DCHS2: variants seen among roughly 807,000 people sequenced by gnomAD.
DCHS2 encodes dachsous cadherin-related 2.
In DCHS2, 142 loss-of-function variants were observed where a neutral mutation model predicts 182.4. That is an observed-to-expected ratio of 0.78 (90% CI 0.68 to 0.89). The LOEUF is 0.89. Ranked by LOEUF, DCHS2 falls within the 40% of genes least tolerant of loss-of-function variation. The pLI, the probability that DCHS2 is intolerant of heterozygous loss-of-function variation, is 0.00. For synonymous variants in DCHS2, 1,740 were observed against 1,663.3 expected (o/e 1.05, Z -1.12); for missense variants, 4,319 against 4,198.6 (o/e 1.03, Z -0.79).
intron 3 of DCHS2, among the ~76,000 whole-genome samples, chr4:154,351,269 A>C: frequency 6.6e-6 from 1 of 152,214 alleles, no homozygotes; most frequent in East Asian, 1.9e-4. Context: ...AAGGGATTAC[A>C]CTACAGACTC....
At chr4:154,305,632 G>C (rs1032345715) in intron 10 of DCHS2, among the ~76,000 whole-genome samples, 1 of 152,116 alleles carries the variant, frequency 6.6e-6, no homozygotes, top group South Asian at 2.1e-4. Flanking sequence ...TTAAAAGCCC[G>C]TGCTAAGTTA....
chr4:154,465,306 C>T (rs1735194014), intron 1 of DCHS2, among the ~76,000 whole-genome samples: 2 of 152,130 alleles, frequency 1.3e-5, no homozygotes, highest in South Asian at 2.1e-4. Context: ...TAGGGCTGCT[C>T]TCAATGTGCT....
intron 9 of DCHS2, among the ~76,000 whole-genome samples, chr4:154,318,872 CAAAG>C (rs1007820419): frequency 6.6e-6 from 1 of 151,974 alleles, no homozygotes; most frequent in Non-Finnish European, 1.5e-5. Context: ...AATGGAATCT[CAAAG>C]AACCCCAAAG....
Position 154,421,879 on chromosome 4 carries a change from G to A in DCHS2, c.2053-44435C>T, listed in dbSNP as rs142557997. Among the ~76,000 whole-genome samples the A allele has an allele frequency of 2.6e-5, 4 of 152,206 alleles. No homozygotes were observed. The East Asian group carries it at 7.7e-4, about 29-fold the overall frequency. On this transcript the variant is annotated intron_variant, in intron 1 of 19. Transcript: ENST00000357232. ...CTTCCTCTTTAATCTGCTGCAATCTGGTTTGAAATCCCATCACTCCATTGA... is the reference window on the plus strand; with the variant it reads ...CTTCCTCTTTAATCTGCTGCAATCTAGTTTGAAATCCCATCACTCCATTGA...
intron 1 of DCHS2, among the ~76,000 whole-genome samples, chr4:154,386,128 G>A (rs1731403879): frequency 6.6e-6 from 1 of 152,146 alleles, no homozygotes; most frequent in East Asian, 1.9e-4. Context: ...CACAGTCAGA[G>A]AGATACTGTC....
Position 154,333,203 on chromosome 4 carries a change from C to T in DCHS2, c.3005G>A (p.Arg1002His). The T allele has an allele frequency of 1.9e-6, 3 of 1,614,208 alleles. No homozygotes were observed. The highest frequency in any genetic ancestry group is 2.5e-6 in the Non-Finnish European group (3 of 1,180,038). The change falls in exon 5 of 20, where the codon CGT (arginine) becomes CAT (histidine). Residue 1002 changes from arginine (R) to histidine (H), a missense_variant. Coordinates refer to ENST00000357232, the MANE Select transcript of DCHS2 (RefSeq NM_001358235.2). The stretch of plus-strand genomic sequence containing the variant: ...CCGCCCACTGTCTCTGTCTTCCGCA[C>T]GTGCGAGGTACAAGGCTGTGCCAGG... Reference protein sequence around the residue: ...TPPGTALYLARAEDRDSGRNG... With the variant: ...TPPGTALYLAHAEDRDSGRNG...
intron 1 of DCHS2, among the ~76,000 whole-genome samples, chr4:154,421,414 G>A (rs1579067862): frequency 1.2e-5 from 1 of 81,612 alleles, no homozygotes. Context: ...TTATTTATTT[G>A]AGAAAAGTCT....
chr4:154,396,320 T>C (rs540813557), intron 1 of DCHS2, among the ~76,000 whole-genome samples: 1 of 152,010 alleles, frequency 6.6e-6, no homozygotes, highest in African/African-American at 2.4e-5. Context: ...AGGAAGGAAT[T>C]GAACAATTTC....
chr4:154,281,530 G>A (rs1381179115), intron 13 of DCHS2, among the ~76,000 whole-genome samples: 1 of 152,042 alleles, frequency 6.6e-6, no homozygotes, highest in African/African-American at 2.4e-5. Flanking sequence ...GGAAATCAAA[G>A]AAGTCACAAA....
intron 17 of DCHS2, 31 bp downstream of exon 17, chr4:154,242,611 C>T (rs372569903): frequency 1.9e-6 from 3 of 1,600,576 alleles, no homozygotes; most frequent in African/African-American, 1.3e-5. Context: ...ACAAGTTAAT[C>T]AAAACCACTA....
rs1298937297 is a variant in DCHS2, at chr4:154,389,528, A to AATCT, written c.2053-12085_2053-12084insAGAT. Among the ~76,000 whole-genome samples, 2 of 145,020 alleles carry AATCT rather than the reference A, an allele frequency of 1.4e-5. 1 individual carries two copies. Among genetic ancestry groups the AATCT allele is most frequent in the Non-Finnish European group, 3.0e-5 (2 of 65,972 alleles). ...CTAAAGACAAAGGTTATATATATAT[A>AATCT]TATATATAACCTTTTTTTAAAGGAC... is the stretch of plus-strand genomic sequence containing the variant. On this transcript the variant is annotated intron_variant, in intron 1 of 19. Coordinates refer to ENST00000357232, the MANE Select transcript of DCHS2 (RefSeq NM_001358235.2).
At chr4:154,439,285 T>C (rs1733901357) in intron 1 of DCHS2, among the ~76,000 whole-genome samples, 1 of 152,178 alleles carries the variant, frequency 6.6e-6, no homozygotes, top group African/African-American at 2.4e-5. Flanking sequence ...GGTCAACATA[T>C]GAGCATTTTA....
In DCHS2 at chr4:154,321,059, T is replaced by C. The variant is rs754432199; in HGVS notation, c.4340A>G (p.Asp1447Gly). The part of the protein sequence containing the change: ...GKLHFSIVAD[D>G]KDGHFEIDSS... ...GTCTATTTCAAAGTGTCCATCCTTA[T>C]CATCTGCAACAATACTAAAATGTAA... Residue 1447 changes from aspartate (D) to glycine (G), a missense_variant, in exon 9 of 20, where the codon GAT becomes GGT. By Grantham distance (94) the Asp-to-Gly change is moderately conservative. Transcript: ENST00000357232. The C allele has an allele frequency of 6.2e-7, 1 of 1,611,720 alleles. No individual in the cohort carries two copies. The highest frequency in any genetic ancestry group is 1.7e-5 in the Admixed American group (1 of 59,932).
At chr4:154,428,256 A>G (rs148242518) in intron 1 of DCHS2, among the ~76,000 whole-genome samples, 262 of 152,298 alleles carry the variant, frequency 1.7e-3, no homozygotes, top group African/African-American at 6.0e-3. Flanking sequence ...GCGAAAAAAC[A>G]CTGGCCAGGC....
rs1425943014 is a variant in DCHS2, at chr4:154,236,400, G to T, written c.8252C>A (p.Ser2751Tyr). The T allele has an allele frequency of 1.9e-6, 3 of 1,614,038 alleles. No homozygotes were observed. The highest frequency in any genetic ancestry group is 3.3e-5 in the Admixed American group (2 of 60,010). The change falls in exon 20 of 20, where the codon TCT (serine) becomes TAT (tyrosine). Residue 2751 changes from serine (S) to tyrosine (Y), a missense_variant. By Grantham distance (144) the Ser-to-Tyr change is moderately radical. Coordinates refer to ENST00000357232, the MANE Select transcript of DCHS2 (RefSeq NM_001358235.2). ...GACACTGACAAACACAACTGCAAAA[G>T]AAAAATGTTTCTTTTCTGCATCTGA... ...QASDAEKKHF[S>Y]FAVVFVSVLD... is the part of the protein sequence containing the mutation.
chr4:154,246,650 G>A (rs916153031), intron 16 of DCHS2, among the ~76,000 whole-genome samples: 2 of 152,106 alleles, frequency 1.3e-5, no homozygotes, highest in African/African-American at 2.4e-5. Flanking sequence ...ATACCTTGGA[G>A]AGATATCAGA....
At chr4:154,323,028 C>T in intron 7 of DCHS2, 1 of 603,546 alleles carries the variant, frequency 1.7e-6, no homozygotes. Flanking sequence ...AAATAAAGTC[C>T]ATATATTGCA....
At chr4:154,260,159 C>T (rs1413718035) in intron 14 of DCHS2, among the ~76,000 whole-genome samples, 1 of 152,190 alleles carries the variant, frequency 6.6e-6, no homozygotes, top group Non-Finnish European at 1.5e-5. Context: ...ATCTTTGCCT[C>T]ATGTGCTCAC....
chr4:154,491,262 G>A lies in DCHS2; in HGVS notation c.94C>T (p.Pro32Ser), dbSNP rs1728825404. ...CCGCTGCTGCCTGACCGCCCATGGGGTGTATCTCTCCTCCCGGGGAGCAGA... is the reference window on the plus strand; with the variant it reads ...CCGCTGCTGCCTGACCGCCCATGGGATGTATCTCTCCTCCCGGGGAGCAGA... ...LLLLPGRRDT[P>S]HGRSGSSGAR... Residue 32 changes from proline (P) to serine (S), a missense_variant, in exon 1 of 20, where the codon CCC (proline) becomes TCC (serine). Transcript: ENST00000357232. 5 of 1,551,262 alleles carry A rather than the reference G, an allele frequency of 3.2e-6. No homozygotes were observed. The highest frequency in any genetic ancestry group is 1.4e-5 in the African/African-American group (1 of 73,172).
Sources: gnomAD v4.1 joint callset for allele counts (sites outside exome capture counted in the v4.1 genomes callset) on GRCh38, gnomAD v4.1.1 for gene constraint, MANE v1.5 for transcripts, NCBI Gene and HGNC (gene_info 2026-07-23, HGNC 2026-07-21) for gene names.